AIRIM: variants seen among roughly 807,000 people sequenced by gnomAD.
AIRIM encodes the protein AFG2 interacting ribosome maturation factor.
chr1:37,683,213 AAC>A, the AIRIM span: 2 of 1,605,762 alleles, frequency 1.2e-6, no homozygotes, highest in Non-Finnish European at 1.7e-6. Context: ...GAGAACATAA[AAC>A]ACACAGAGGC....
chr1:37,682,747 C>G, the AIRIM span: 1 of 173,106 alleles, frequency 5.8e-6, no homozygotes, highest in Non-Finnish European at 1.2e-5. Flanking sequence ...CCAGACAATG[C>G]TTTGGATGAT....
At chr1:37,683,422 C>G in the AIRIM span, 1 of 1,613,844 alleles carries the variant, frequency 6.2e-7, no homozygotes, top group Non-Finnish European at 8.5e-7. Context: ...AAAGAAGATA[C>G]TTTCTCTTCA....
At chr1:37,686,338 T>C in the AIRIM span, 10 of 1,614,126 alleles carry the variant, frequency 6.2e-6, no homozygotes, top group Non-Finnish European at 8.5e-6. Flanking sequence ...AGGGGCTCAC[T>C]GCTGAAGGCT....
chr1:37,684,422 C>T, the AIRIM span, among the ~76,000 whole-genome samples: 1 of 152,086 alleles, frequency 6.6e-6, no homozygotes, highest in Non-Finnish European at 1.5e-5. Flanking sequence ...AGTTTCAGAT[C>T]AGCCTAGCCA....
At chr1:37,690,600 TA>T in the AIRIM span, 17 of 605,828 alleles carry the variant, frequency 2.8e-5, no homozygotes, top group Admixed American at 4.0e-5. Flanking sequence ...AAATATATCG[TA>T]GTGCCGCAAT....
the AIRIM span, chr1:37,686,337 C>T: frequency 1.9e-6 from 3 of 1,614,078 alleles, no homozygotes; most frequent in Non-Finnish European, 2.5e-6. Context: ...GAGGGGCTCA[C>T]TGCTGAAGGC....
chr1:37,684,724 T>C, the AIRIM span, among the ~76,000 whole-genome samples: 1 of 152,214 alleles, frequency 6.6e-6, no homozygotes, highest in African/African-American at 2.4e-5. Context: ...AAACTTGAGT[T>C]TGCAGTTCTA....
At chr1:37,682,789 C>T in the AIRIM span, 2 of 216,658 alleles carry the variant, frequency 9.2e-6, no homozygotes. Flanking sequence ...TGCCTCTTGT[C>T]CTTGCTTCCC....
the AIRIM span, among the ~76,000 whole-genome samples, chr1:37,688,263 G>T: frequency 6.6e-6 from 1 of 151,710 alleles, no homozygotes; most frequent in African/African-American, 2.4e-5. Context: ...TCACCATGTT[G>T]GCCAGGCTGG....
the AIRIM span, chr1:37,683,562 G>A: frequency 3.3e-5 from 37 of 1,106,618 alleles, no homozygotes; most frequent in Non-Finnish European, 1.3e-5. Context: ...TTTACCAGGT[G>A]GGCCTGATTC....
the AIRIM span, chr1:37,689,557 C>T: frequency 1.3e-6 from 2 of 1,520,098 alleles, no homozygotes; most frequent in Non-Finnish European, 1.8e-6. Context: ...TATAAAACAC[C>T]TCGTTTTAAA....
At chr1:37,690,671 G>A in the AIRIM span, among the ~76,000 whole-genome samples, 36,701 of 152,096 alleles carry the variant, frequency 0.24, 5,225 homozygotes, top group East Asian at 0.69. Context: ...GCTTCCTTGG[G>A]ATTGGATGTT....
the AIRIM span, chr1:37,683,174 A>T: frequency 6.2e-7 from 1 of 1,610,530 alleles, no homozygotes; most frequent in South Asian, 1.1e-5. Flanking sequence ...AAATAGGAAG[A>T]CAGAAAAAAT....
the AIRIM span, among the ~76,000 whole-genome samples, chr1:37,689,362 CTCT>C: frequency 5.8e-4 from 88 of 152,178 alleles, no homozygotes; most frequent in African/African-American, 2.1e-3. Context: ...CGCTCCTTTT[CTCT>C]TCTTCTTTTG....
the AIRIM span, chr1:37,690,273 C>A: frequency 7.7e-7 from 1 of 1,292,716 alleles, no homozygotes; most frequent in South Asian, 1.2e-5. Flanking sequence ...GCGTGAGCCA[C>A]CGCGCCCGGC....
chr1:37,682,868 T>A, the AIRIM span: 7 of 496,340 alleles, frequency 1.4e-5, no homozygotes, highest in Non-Finnish European at 2.2e-5. Flanking sequence ...GTTGTCTCTC[T>A]AGCTCCATCC....
the AIRIM span, chr1:37,684,232 C>G: frequency 1.3e-5 from 2 of 152,330 alleles, no homozygotes; most frequent in African/African-American, 4.8e-5. Flanking sequence ...TGACAAGTGA[C>G]TGTGTAAACA....
At chr1:37,689,412 T>C in the AIRIM span, 2 of 600,730 alleles carry the variant, frequency 3.3e-6, no homozygotes, top group Non-Finnish European at 5.6e-6. Context: ...ATGCCTAGTC[T>C]CTGACAAAGA....
chr1:37,683,604 T>C, the AIRIM span: 1 of 691,946 alleles, frequency 1.4e-6, no homozygotes. Flanking sequence ...TGAGCAACTG[T>C]TTACTAACAT....
Sources: allele counts gnomAD v4.1 joint callset (sites outside exome capture counted in the v4.1 genomes callset), GRCh38; gene constraint gnomAD v4.1.1; transcripts MANE v1.5; gene names NCBI Gene and HGNC (gene_info 2026-07-23, HGNC 2026-07-21).